Variants in CUX2 observed in about 807,000 individuals in gnomAD.
CUX2 encodes cut like homeobox 2, also known as homeobox protein cut-like 2.
CUX2 carries 40 observed loss-of-function variants against 144.8 expected under a neutral mutation model. That is an observed-to-expected ratio of 0.28 (90% confidence interval 0.21 to 0.36). The LOEUF is 0.36. CUX2 is among the 10% of genes least tolerant of loss of function. The pLI, the probability that CUX2 is intolerant of heterozygous loss-of-function variation, is 1.00. For synonymous variants in CUX2, 827 were observed against 875.6 expected (o/e 0.94, Z 0.98); for missense variants, 1,615 against 1,994.0 (o/e 0.81, Z 3.62).
Position 111,320,588 on chromosome 12 carries a change from A to C in CUX2, c.2579A>C (p.Glu860Ala). ...GELKAEGATA[E>A]AGARLPYYPA... ...CTCAAGGCTGAGGGCGCGACGGCCG[A>C]GGCGGGCGCGCGGCTGCCCTACTAC... Residue 860 changes from glutamate (E) to alanine (A), a missense_variant, in exon 17 of 22, where the codon GAG (glutamate) becomes GCG (alanine). By Grantham distance (107) the Glu-to-Ala change is moderately radical. Around this residue, in one of 12 missense-constraint regions of CUX2, gnomAD observed 390 missense variants for 387.1 expected, o/e 1.01. Transcript: ENST00000261726. The surrounding 1 kb of genome is among the most constrained non-coding windows in gnomAD (Gnocchi z 8.1). 1 of 1,525,040 alleles carries C rather than the reference A, an allele frequency of 6.6e-7. No individual in the cohort carries two copies. Among genetic ancestry groups the C allele is most frequent in the Non-Finnish European group, 8.7e-7 (1 of 1,144,598 alleles). The allele number at this position is 1,525,040 out of a possible 1,614,324, so 94.5% of individuals were successfully genotyped here. A position where few individuals can be genotyped will look rare whatever the true frequency, so the allele number is the denominator to read the frequency against.
chr12:111,192,505 G>T (rs1462440254), intron 1 of CUX2, among the ~76,000 whole-genome samples: 1 of 151,548 alleles, frequency 6.6e-6, no homozygotes, highest in Non-Finnish European at 1.5e-5. Context: ...CTGCCTTCCA[G>T]CTCATGCCTT....
chr12:111,092,890 C>G lies in CUX2; in HGVS notation c.63+58650C>G, dbSNP rs188653973. On this transcript the variant is annotated intron_variant, in intron 1 of 21. Transcript: ENST00000261726. ...AGTGCAGTGGCCCGATCATGGCTTA[C>G]TACAGCCTCTGCCTCCCAGGCTCAA... is the stretch of plus-strand genomic sequence containing the variant. Among the ~76,000 whole-genome samples the G allele has an allele frequency of 1.7e-4, 25 of 143,276 alleles. No individual in the cohort carries two copies. In the East Asian group the frequency reaches 5.7e-3, roughly 33 times the overall value. The allele number at this position is 143,276 out of a possible 152,430, so 94.0% of individuals were successfully genotyped here. A position where few individuals can be genotyped will look rare whatever the true frequency, so the allele number is the denominator to read the frequency against.
chr12:111,319,947 A>T (rs1447805141), intron 16 of CUX2, 65 bp from the exon 17 acceptor site: 2 of 1,410,014 alleles, frequency 1.4e-6, no homozygotes, highest in African/African-American at 3.0e-5. Context: ...GATGCTGTGA[A>T]CATCGTCCCC....
At chr12:111,122,224 C>G (rs569016414) in intron 1 of CUX2, among the ~76,000 whole-genome samples, 1 of 152,220 alleles carries the variant, frequency 6.6e-6, no homozygotes. Flanking sequence ...TTCTCTCCCC[C>G]ACCCGTCCTC....
chr12:111,119,527 T>C (rs1349386161), intron 1 of CUX2, among the ~76,000 whole-genome samples: 2 of 152,206 alleles, frequency 1.3e-5, no homozygotes, highest in East Asian at 3.9e-4. Flanking sequence ...AACAGATTAG[T>C]TGGGTCTGTG....
At chr12:111,265,068 T>G (rs185446097) in intron 4 of CUX2, among the ~76,000 whole-genome samples, 1 of 152,164 alleles carries the variant, frequency 6.6e-6, no homozygotes, top group East Asian at 1.9e-4. Flanking sequence ...AATGATAAAT[T>G]TTCTGTTGTA....
At chr12:111,309,020 T>C (rs1886742219) in intron 14 of CUX2, among the ~76,000 whole-genome samples, 1 of 152,116 alleles carries the variant, frequency 6.6e-6, no homozygotes, top group South Asian at 2.1e-4. Flanking sequence ...TTCACCTGCC[T>C]CGGCCTCCTG....
chr12:111,137,309 T>A (rs1299831800), intron 1 of CUX2, among the ~76,000 whole-genome samples: 1 of 152,202 alleles, frequency 6.6e-6, no homozygotes, highest in Non-Finnish European at 1.5e-5. Flanking sequence ...AGAGAAGTAT[T>A]GACCAAGTTG....
intron 4 of CUX2, among the ~76,000 whole-genome samples, chr12:111,281,061 C>T (rs537061147): frequency 8.5e-5 from 13 of 152,300 alleles, no homozygotes; most frequent in South Asian, 6.2e-4. Flanking sequence ...GCCTATCTGA[C>T]GCCCTCTACA....
intron 18 of CUX2, among the ~76,000 whole-genome samples, chr12:111,331,696 C>T (rs1888126300): frequency 6.6e-6 from 1 of 152,078 alleles, no homozygotes; most frequent in South Asian, 2.1e-4. Context: ...AGGACGGAGG[C>T]TTGGCAAAGT....
intron 1 of CUX2, among the ~76,000 whole-genome samples, chr12:111,131,057 G>A (rs190639034): frequency 4.3e-4 from 66 of 152,280 alleles, no homozygotes; most frequent in African/African-American, 1.5e-3. Context: ...TATGCCTCCT[G>A]TATTAGTTTG....
At chr12:111,045,800 G>A (rs1182169421) in intron 1 of CUX2, among the ~76,000 whole-genome samples, 4 of 152,064 alleles carry the variant, frequency 2.6e-5, no homozygotes, top group African/African-American at 9.7e-5. Flanking sequence ...CTGTAAAATG[G>A]GACTGAAACA....
chr12:111,061,122 C>T lies in CUX2; in HGVS notation c.63+26882C>T, dbSNP rs1379949716. On this transcript the variant is annotated intron_variant, in intron 1 of 21. Transcript: ENST00000261726. The surrounding 1 kb of genome is among the most constrained non-coding windows in gnomAD (Gnocchi z 4.2). The stretch of plus-strand genomic sequence containing the variant: ...TGGCTGTGGCCCTGCAGAGGCCAGC[C>T]GCTGATCAGTGAGTCTCTGCAGGCC... 6.6e-6 allele frequency among the ~76,000 whole-genome samples: 1 copy of T among 151,912 alleles called. No homozygotes were observed. Among genetic ancestry groups the T allele is most frequent in the Non-Finnish European group, 1.5e-5 (1 of 67,982 alleles).
At chr12:111,109,127 C>G (rs1034187666) in intron 1 of CUX2, among the ~76,000 whole-genome samples, 4 of 152,190 alleles carry the variant, frequency 2.6e-5, no homozygotes, top group Admixed American at 1.3e-4. Flanking sequence ...TAATCATTGC[C>G]TGGGTCCATG....
chr12:111,132,249 C>T (rs2136110664), intron 1 of CUX2, among the ~76,000 whole-genome samples: 1 of 152,320 alleles, frequency 6.6e-6, no homozygotes, highest in East Asian at 1.9e-4. Flanking sequence ...CCCCTTTCAG[C>T]CATGGCTGGA....
intron 10 of CUX2, among the ~76,000 whole-genome samples, chr12:111,306,329 T>G (rs973627425): frequency 6.7e-6 from 1 of 150,304 alleles, no homozygotes; most frequent in Non-Finnish European, 1.5e-5. Context: ...TTGTTTGGTT[T>G]TTTTTTTTTT....
intron 18 of CUX2, among the ~76,000 whole-genome samples, chr12:111,331,894 A>G (rs896861572): frequency 2.0e-5 from 3 of 151,966 alleles, no homozygotes; most frequent in South Asian, 2.1e-4. Context: ...AGCCTGGCCA[A>G]TATGGCGAAA....
chr12:111,283,728 T>C (rs1353664378), intron 4 of CUX2, among the ~76,000 whole-genome samples: 2 of 152,066 alleles, frequency 1.3e-5, no homozygotes, highest in African/African-American at 2.4e-5. Flanking sequence ...GGGAAGTCAG[T>C]GTTCCCCAAT....
In CUX2 at chr12:111,059,121, T is replaced by C. The variant is rs1870656940; in HGVS notation, c.63+24881T>C. On this transcript the variant is annotated intron_variant, in intron 1 of 21. Coordinates refer to ENST00000261726, the MANE Select transcript of CUX2 (RefSeq NM_015267.4). This position sits in a 1 kb window ranked among gnomAD's most constrained non-coding sequence, Gnocchi z 5.3. ...CTCGGAATGCTGAACTTTCTGAGGA[T>C]GCAGCCCAGCAGGTACCAGCCTCAT... Among the ~76,000 whole-genome samples the C allele has an allele frequency of 6.6e-6, 1 of 152,212 alleles. No individual in the cohort carries two copies. The highest frequency in any genetic ancestry group is 2.1e-4 in the South Asian group (1 of 4,832).
Sources: allele counts gnomAD v4.1 joint callset (sites outside exome capture counted in the v4.1 genomes callset), GRCh38; gene constraint gnomAD v4.1.1; regional missense constraint gnomAD v4.1.1; non-coding constraint Gnocchi (gnomAD v3.1); transcripts MANE v1.5; gene names NCBI Gene and HGNC (gene_info 2026-07-23, HGNC 2026-07-21).